Variants in FOXK1 observed in about 807,000 individuals in gnomAD.
The protein encoded by FOXK1 is forkhead box K1.
Under a neutral mutation model 51.9 loss-of-function variants are expected in FOXK1, and 19 were observed. That is an observed-to-expected ratio of 0.37 (90% CI 0.26 to 0.54). The LOEUF (loss-of-function observed/expected upper bound fraction) is 0.54. Ranked by LOEUF, FOXK1 falls within the 20% of genes least tolerant of loss-of-function variation. The pLI, the probability that FOXK1 is intolerant of heterozygous loss-of-function variation, is 0.87. For missense variants in FOXK1, 870 were observed against 1,032.7 expected (o/e 0.84, Z 2.16); for synonymous variants, 537 against 482.6 (o/e 1.11, Z -1.48).
intron 1 of FOXK1, among the ~76,000 whole-genome samples, chr7:4,692,862 G>T (rs905607045): frequency 5.3e-5 from 8 of 152,096 alleles, no homozygotes; most frequent in African/African-American, 1.9e-4. Context: ...AAGTAGCTGG[G>T]ACCACAGGTG....
intron 1 of FOXK1, among the ~76,000 whole-genome samples, chr7:4,714,556 T>C (rs1780211551): frequency 6.6e-6 from 1 of 152,224 alleles, no homozygotes; most frequent in Non-Finnish European, 1.5e-5. Flanking sequence ...ATTACGGGCG[T>C]GAGCCACCAG....
chr7:4,702,793 G>T (rs575874024), intron 1 of FOXK1, among the ~76,000 whole-genome samples: 1 of 152,208 alleles, frequency 6.6e-6, no homozygotes, highest in African/African-American at 2.4e-5. Flanking sequence ...CCTAGTGGGT[G>T]TAGCCCCCCA....
In FOXK1 at chr7:4,762,434, C is replaced by T. The variant is rs62453207; in HGVS notation, c.2172C>T (p.Ala724=). ...CACCGGCTGGAGTGATCGCAGCTGC[C>T]GGCCCCCAGGGGCCAGGCACCGGGG... The part of the protein sequence containing the change: ...VTTPAGVIAA[A]GPQGPGTGE Residue 724 remains alanine, a synonymous_variant, in exon 9 of 9, where the codon GCC becomes GCT. Coordinates refer to ENST00000328914, the MANE Select transcript of FOXK1 (RefSeq NM_001037165.2). This position sits in a 1 kb window ranked among gnomAD's most constrained non-coding sequence, Gnocchi z 5.7. 13,658 of 1,546,810 alleles carry T rather than the reference C, an allele frequency of 8.8e-3. 59 individuals carry two copies. The highest frequency in any genetic ancestry group is 0.01 in the Non-Finnish European group (11,505 of 1,145,240).
intron 1 of FOXK1, among the ~76,000 whole-genome samples, chr7:4,687,972 TCCTCCCA>T (rs780076100): frequency 2.6e-5 from 4 of 152,172 alleles, no homozygotes; most frequent in Non-Finnish European, 4.4e-5. Flanking sequence ...TCTCAAACGA[TCCTCCCA>T]CCTTGGCCTC....
chr7:4,740,285 C>A lies in FOXK1; in HGVS notation c.561-553C>A, dbSNP rs1377723624. Among the ~76,000 whole-genome samples, 3 of 152,202 alleles carry A rather than the reference C, an allele frequency of 2.0e-5. No individual in the cohort carries two copies. In the East Asian group the frequency reaches 5.8e-4, roughly 29 times the overall value. ...CTCTACTAAAAATATAAAAAATTAG[C>A]CGGGCGTGGTGGCGGGCGCCTGTAG... is the stretch of plus-strand genomic sequence containing the variant. On this transcript the variant is annotated intron_variant, in intron 1 of 8. Coordinates refer to ENST00000328914, the MANE Select transcript of FOXK1 (RefSeq NM_001037165.2).
At chr7:4,701,477 C>T (rs972229650) in intron 1 of FOXK1, among the ~76,000 whole-genome samples, 1 of 152,046 alleles carries the variant, frequency 6.6e-6, no homozygotes, top group Non-Finnish European at 1.5e-5. Flanking sequence ...TACTATTGAC[C>T]GGGCGTGGTG....
At position 4,762,306 on chromosome 7, in the gene FOXK1, A is replaced by G. The variant is rs767157990; in HGVS notation, c.2044A>G (p.Thr682Ala). The change falls in exon 9 of 9, where the codon ACC (threonine) becomes GCC (alanine). Residue 682 changes from threonine to alanine, a missense_variant. By Grantham distance (58) the Thr-to-Ala change is moderately conservative. Transcript: ENST00000328914. The surrounding 1 kb of genome is among the most constrained non-coding windows in gnomAD (Gnocchi z 5.7). ...PAAAVAATAT[T>A]TPATATTASA... ...AGCAGCCGTCGCGGCCACGGCCACCACCACCCCAGCCACTGCCACCACCGC... is the reference window on the plus strand; with the variant it reads ...AGCAGCCGTCGCGGCCACGGCCACCGCCACCCCAGCCACTGCCACCACCGC... 3.2e-6 allele frequency: 5 copies of G among 1,549,360 alleles called. No individual in the cohort carries two copies. Among genetic ancestry groups the G allele is most frequent in the Non-Finnish European group, 4.4e-6 (5 of 1,146,742 alleles).
intron 1 of FOXK1, among the ~76,000 whole-genome samples, chr7:4,739,228 C>G (rs1780597278): frequency 6.6e-6 from 1 of 152,328 alleles, no homozygotes; most frequent in East Asian, 1.9e-4. Flanking sequence ...GTGTTGAGTA[C>G]TTTGCCCGTC....
At chr7:4,760,849 G>A (rs539699153) in intron 7 of FOXK1, among the ~76,000 whole-genome samples, 2 of 152,226 alleles carry the variant, frequency 1.3e-5, no homozygotes, top group African/African-American at 4.8e-5. Flanking sequence ...ACAAAATTCT[G>A]TCTCAAAAAA....
At chr7:4,738,987 G>A (rs553344499) in intron 1 of FOXK1, among the ~76,000 whole-genome samples, 2 of 152,186 alleles carry the variant, frequency 1.3e-5, no homozygotes, top group Admixed American at 6.5e-5. Flanking sequence ...CGACAGCCAG[G>A]CACCCTTCGT....
chr7:4,750,844 A>C lies in FOXK1; in HGVS notation c.747-3615A>C, dbSNP rs571272341. Among the ~76,000 whole-genome samples the C allele has an allele frequency of 1.0e-3, 154 of 151,824 alleles. No individual in the cohort carries two copies. In the South Asian group the frequency reaches 0.012, roughly 12 times the overall value. On this transcript the variant is annotated intron_variant, in intron 2 of 8. Transcript: ENST00000328914. ...CTCAGCCTCCCGAGTAGCTGGGATT[A>C]CAGGCATGCACCACCACGTCTGGCT... is the stretch of plus-strand genomic sequence containing the variant.
At chr7:4,691,005 T>C (rs984804922) in intron 1 of FOXK1, among the ~76,000 whole-genome samples, 1 of 152,218 alleles carries the variant, frequency 6.6e-6, no homozygotes. Context: ...TTGGGCGATC[T>C]TGTACTTAAT....
intron 1 of FOXK1, among the ~76,000 whole-genome samples, chr7:4,704,434 G>C (rs1024305988): frequency 2.0e-4 from 27 of 134,886 alleles, no homozygotes; most frequent in Non-Finnish European, 7.7e-5. Flanking sequence ...CTGGGCAACA[G>C]AGTGAGACTC....
chr7:4,740,967 G>A lies in FOXK1; in HGVS notation c.690G>A (p.Pro230=), dbSNP rs760925449. 21 of 1,565,076 alleles carry A rather than the reference G, an allele frequency of 1.3e-5. No individual in the cohort carries two copies. The highest frequency in any genetic ancestry group is 5.9e-5 in the South Asian group (5 of 84,060). The change falls in exon 2 of 9, where the codon CCG becomes CCA. Residue 230 remains proline, a synonymous_variant. Transcript: ENST00000328914. ...PQISPLKIHI[P]EPDLRSMVSP... ...TCTCCCCTCTGAAGATCCACATCCCGGAGCCGGACCTCCGGAGCATGGTCA... is the reference window on the plus strand; with the variant it reads ...TCTCCCCTCTGAAGATCCACATCCCAGAGCCGGACCTCCGGAGCATGGTCA...
At chr7:4,754,394 C>T (rs536185735) in intron 2 of FOXK1, 65 bp from the exon 3 acceptor site, 11 of 1,572,052 alleles carry the variant, frequency 7.0e-6, no homozygotes, top group Non-Finnish European at 9.5e-6. Context: ...GGTCCTGAAG[C>T]CCTGAGCCCC....
At chr7:4,757,324 C>A in intron 5 of FOXK1, 137 bp downstream of exon 5, 1 of 752,800 alleles carries the variant, frequency 1.3e-6, no homozygotes, top group South Asian at 1.9e-5. Context: ...GATCACAGGT[C>A]AAAAATATTC....
chr7:4,736,934 G>C (rs1266341019), intron 1 of FOXK1, among the ~76,000 whole-genome samples: 1 of 152,158 alleles, frequency 6.6e-6, no homozygotes, highest in Non-Finnish European at 1.5e-5. Context: ...GTCAAGCCTG[G>C]GAAGGCCTTT....
rs1780527800 is a variant in FOXK1, at chr7:4,734,636, A to G, written c.561-6202A>G. On this transcript the variant is annotated intron_variant, in intron 1 of 8. Transcript: ENST00000328914. This position sits in a 1 kb window ranked among gnomAD's most constrained non-coding sequence, Gnocchi z 5.2. ...CTCCCTGGGGCTTCATGGGGGGCTC[A>G]GGAAGGCTGGGTCTCAGGCTTTTCT... Among the ~76,000 whole-genome samples, 1 of 152,234 alleles carries G rather than the reference A, an allele frequency of 6.6e-6. No homozygotes were observed. Among genetic ancestry groups the G allele is most frequent in the Non-Finnish European group, 1.5e-5 (1 of 68,044 alleles).
At position 4,734,698 on chromosome 7, in the gene FOXK1, T is replaced by C. The variant is rs1279694733; in HGVS notation, c.561-6140T>C. Among the ~76,000 whole-genome samples the C allele has an allele frequency of 2.0e-5, 3 of 152,186 alleles. No homozygotes were observed. ...GTCTGCTGATAGCTGGGCTCAGCTCTGGAAGCTTGGGGGGCTGAGAGCCTC... is the reference window on the plus strand; with the variant it reads ...GTCTGCTGATAGCTGGGCTCAGCTCCGGAAGCTTGGGGGGCTGAGAGCCTC... On this transcript the variant is annotated intron_variant, in intron 1 of 8. Coordinates refer to ENST00000328914, the MANE Select transcript of FOXK1 (RefSeq NM_001037165.2). This position sits in a 1 kb window ranked among gnomAD's most constrained non-coding sequence, Gnocchi z 5.2.
Sources: allele counts gnomAD v4.1 joint callset (sites outside exome capture counted in the v4.1 genomes callset), GRCh38; gene constraint gnomAD v4.1.1; non-coding constraint Gnocchi (gnomAD v3.1); transcripts MANE v1.5; gene names NCBI Gene and HGNC (gene_info 2026-07-23, HGNC 2026-07-21).